The following TBCEL variants were observed in gnomAD, a reference collection of about 807,000 sequenced individuals.
TBCEL encodes the protein tubulin-specific chaperone cofactor E-like protein.
Under a neutral mutation model 44.2 loss-of-function variants are expected in TBCEL, and 15 were observed. The observed-to-expected ratio is 0.34, with a 90% CI of 0.23 to 0.52. The LOEUF (loss-of-function observed/expected upper bound fraction) is 0.52. Ranked by LOEUF, TBCEL falls within the 20% of genes least tolerant of loss-of-function variation. The probability of loss-of-function intolerance (pLI) is 0.95; values close to 1 mark genes in which losing one functional copy is unlikely to be tolerated. For synonymous variants in TBCEL, 171 were observed against 185.4 expected (o/e 0.92, Z 0.63); for missense variants, 319 against 506.3 (o/e 0.63, Z 3.55).
chr11:121,025,904 G>C (rs1007934408), intron 1 of TBCEL, among the ~76,000 whole-genome samples: 3 of 150,568 alleles, frequency 2.0e-5, no homozygotes, highest in African/African-American at 7.3e-5. Flanking sequence ...TTTTGTATGC[G>C]TGTGTGTTTT....
chr11:121,037,492 C>T (rs1462806164), intron 2 of TBCEL, among the ~76,000 whole-genome samples: 3 of 152,168 alleles, frequency 2.0e-5, no homozygotes, highest in East Asian at 1.9e-4. Context: ...AGCCTAATTA[C>T]GCTGACTTGG....
intron 8 of TBCEL, among the ~76,000 whole-genome samples, chr11:121,083,926 GT>G (rs1328083232): frequency 6.6e-6 from 1 of 152,170 alleles, no homozygotes; most frequent in Non-Finnish European, 1.5e-5. Context: ...TTATTTCTCA[GT>G]TCTGCAGGCT....
chr11:121,058,198 C>A, intron 6 of TBCEL, 147 bp from the exon 7 acceptor site: 1 of 961,332 alleles, frequency 1.0e-6, no homozygotes, highest in Non-Finnish European at 1.5e-6. Flanking sequence ...TCTGCTCTTG[C>A]CTTGGATGAA....
intron 8 of TBCEL, among the ~76,000 whole-genome samples, chr11:121,066,069 C>T (rs979252183): frequency 6.6e-6 from 1 of 152,186 alleles, no homozygotes; most frequent in African/African-American, 2.4e-5. Context: ...GTGTGGCTTA[C>T]ATAATAGAAA....
chr11:121,046,587 A>AACC (rs943993676), intron 3 of TBCEL, among the ~76,000 whole-genome samples: 1 of 150,096 alleles, frequency 6.7e-6, no homozygotes, highest in African/African-American at 2.4e-5. Flanking sequence ...TTACTTGGTA[A>AACC]TTTTTTTTTT....
At chr11:121,033,004 C>G (rs1393509844) in intron 1 of TBCEL, among the ~76,000 whole-genome samples, 2 of 152,122 alleles carry the variant, frequency 1.3e-5, no homozygotes, top group African/African-American at 4.8e-5. Flanking sequence ...TTTTAGGAAA[C>G]TTAGCATTAG....
intron 1 of TBCEL, among the ~76,000 whole-genome samples, chr11:121,028,825 A>G (rs1171908619): frequency 1.3e-5 from 2 of 152,218 alleles, no homozygotes; most frequent in African/African-American, 2.4e-5. Flanking sequence ...TTGTGGCCCT[A>G]TGTGGTGTTT....
At chr11:121,049,536 C>T (rs1056442474) in intron 4 of TBCEL, among the ~76,000 whole-genome samples, 3 of 151,712 alleles carry the variant, frequency 2.0e-5, no homozygotes, top group African/African-American at 7.3e-5. Context: ...TAGGGCTATT[C>T]TAAAAAATAA....
chr11:121,026,437 C>G (rs1052977208), intron 1 of TBCEL, among the ~76,000 whole-genome samples: 1 of 152,162 alleles, frequency 6.6e-6, no homozygotes, highest in Non-Finnish European at 1.5e-5. Context: ...AGGATGTTGT[C>G]TAATTTCAGT....
intron 2 of TBCEL, among the ~76,000 whole-genome samples, chr11:121,044,962 G>A (rs1235467050): frequency 1.3e-5 from 2 of 152,132 alleles, no homozygotes; most frequent in Non-Finnish European, 2.9e-5. Context: ...TACCAGTATG[G>A]CAGCTCAGTT....
intron 5 of TBCEL, among the ~76,000 whole-genome samples, chr11:121,054,549 A>G (rs1485378131): frequency 5.9e-5 from 9 of 151,902 alleles, no homozygotes; most frequent in Non-Finnish European, 1.2e-4. Flanking sequence ...CTGCAGAAGT[A>G]GGACTAAAAT....
intron 1 of TBCEL, among the ~76,000 whole-genome samples, chr11:121,025,195 T>C (rs1200227785): frequency 6.6e-6 from 1 of 152,202 alleles, no homozygotes; most frequent in Non-Finnish European, 1.5e-5. Context: ...CTAGGGCTGT[T>C]GAGAGAAGTT....
At chr11:121,042,830 G>T (rs1945358172) in intron 2 of TBCEL, among the ~76,000 whole-genome samples, 2 of 152,112 alleles carry the variant, frequency 1.3e-5, no homozygotes, top group South Asian at 4.1e-4. Flanking sequence ...ACAAACCTGA[G>T]AGGAAGGTTT....
chr11:121,075,443 A>C (rs556078887), intron 8 of TBCEL, among the ~76,000 whole-genome samples: 1 of 152,116 alleles, frequency 6.6e-6, no homozygotes, highest in Non-Finnish European at 1.5e-5. Flanking sequence ...TTATTCTTCA[A>C]GACTGTTTTA....
chr11:121,042,362 A>G (rs543344421), intron 2 of TBCEL, among the ~76,000 whole-genome samples: 1 of 152,200 alleles, frequency 6.6e-6, no homozygotes, highest in East Asian at 1.9e-4. Context: ...CACCTGCTCT[A>G]TGTTGTCTGC....
chr11:121,032,682 G>T (rs1042698864), intron 1 of TBCEL, among the ~76,000 whole-genome samples: 6 of 152,072 alleles, frequency 3.9e-5, no homozygotes, highest in Non-Finnish European at 8.8e-5. Flanking sequence ...CACTTAAATA[G>T]TGAAGTCACC....
chr11:121,053,226 T>A (rs1182479855), intron 4 of TBCEL, among the ~76,000 whole-genome samples: 1 of 151,924 alleles, frequency 6.6e-6, no homozygotes, highest in Non-Finnish European at 1.5e-5. Context: ...ATCAAAACTG[T>A]CTTTTCTCCA....
chr11:121,087,293 G>T lies in TBCEL; in HGVS notation c.*197G>T. ...GTGTTTTCTACCACAGATTGATTTG[G>T]CTCAGCCAGCGGAATTGGCCACATT... On this transcript the variant is annotated 3_prime_UTR_variant, in exon 9 of 9. Transcript: ENST00000683345. 2 of 573,390 alleles carry T rather than the reference G, an allele frequency of 3.5e-6. No homozygotes were observed. The highest frequency in any genetic ancestry group is 3.0e-6 in the Non-Finnish European group (1 of 328,142). 35.5% of individuals were successfully genotyped at this position (573,390 alleles called of 1,614,324 possible). A position where few individuals can be genotyped will look rare whatever the true frequency, so the allele number is the denominator to read the frequency against.
intron 4 of TBCEL, among the ~76,000 whole-genome samples, chr11:121,052,555 C>T (rs985574534): frequency 1.3e-5 from 2 of 151,816 alleles, no homozygotes; most frequent in Non-Finnish European, 2.9e-5. Flanking sequence ...ACCACATTGC[C>T]TGGTTGTTTG....
Sources: allele counts gnomAD v4.1 joint callset (sites outside exome capture counted in the v4.1 genomes callset), GRCh38; gene constraint gnomAD v4.1.1; transcripts MANE v1.5; gene names NCBI Gene and HGNC (gene_info 2026-07-23, HGNC 2026-07-21).